BRINP3: variants seen among roughly 807,000 people sequenced by gnomAD.
BRINP3 encodes the protein BMP/retinoic acid inducible neural specific 3, also known as BMP/retinoic acid-inducible neural-specific protein 3.
In BRINP3, 19 loss-of-function variants were observed where a neutral mutation model predicts 71.0. The observed-to-expected ratio is 0.27, with a 90% CI of 0.19 to 0.39. The LOEUF is 0.39. Among genes scored for constraint, BRINP3 ranks in the 10% least tolerant of loss-of-function variants. The pLI is 1.00. For synonymous variants in BRINP3, 380 were observed against 337.7 expected, an observed-to-expected ratio of 1.13 and a Z score of -1.37; for missense variants, 959 against 940.8, an observed-to-expected ratio of 1.02 and a Z score of -0.25.
intron 7 of BRINP3, among the ~76,000 whole-genome samples, chr1:190,150,242 G>A (rs995104745): frequency 6.7e-6 from 1 of 150,276 alleles, no homozygotes; most frequent in African/African-American, 2.5e-5. Flanking sequence ...CCATTTTAAT[G>A]AGTTGGTATA....
At chr1:190,268,252 G>A (rs548010320) in intron 3 of BRINP3, among the ~76,000 whole-genome samples, 65 of 152,076 alleles carry the variant, frequency 4.3e-4, no homozygotes, top group African/African-American at 1.5e-3. Flanking sequence ...AATAAATTAG[G>A]AATCAATGAA....
At chr1:190,244,742 A>T (rs1659428388) in intron 4 of BRINP3, among the ~76,000 whole-genome samples, 1 of 152,062 alleles carries the variant, frequency 6.6e-6, no homozygotes. Flanking sequence ...AACATTTAAT[A>T]CAACTATTTC....
At chr1:190,288,761 G>T (rs1571641412) in intron 2 of BRINP3, among the ~76,000 whole-genome samples, 1 of 151,638 alleles carries the variant, frequency 6.6e-6, no homozygotes, top group African/African-American at 2.4e-5. Flanking sequence ...TATTGATTAA[G>T]GTAATGCGAT....
chr1:190,233,180 G>A (rs1165246724), intron 5 of BRINP3, among the ~76,000 whole-genome samples: 1 of 151,862 alleles, frequency 6.6e-6, no homozygotes, highest in African/African-American at 2.4e-5. Flanking sequence ...AACATGATGT[G>A]CAGTGTCGCA....
rs1190785225 is a variant in BRINP3, at chr1:190,453,203, A to ATTTTTTTTTTTTTTTTTTTTTTTTTTT, written c.236+1425_236+1451dup. Among the ~76,000 whole-genome samples the ATTTTTTTTTTTTTTTTTTTTTTTTTTT allele has an allele frequency of 5.1e-4, 21 of 40,910 alleles. 5 individuals carry two copies. The highest frequency in any genetic ancestry group is 1.8e-3 in the East Asian group (2 of 1,090). 26.8% of individuals were successfully genotyped at this position (40,910 alleles called of 152,430 possible). A position where few individuals can be genotyped will look rare whatever the true frequency, so the allele number is the denominator to read the frequency against. ...ACTTTTCAGAAAGAAAAACTTTAGT[A>ATTTTTTTTTTTTTTTTTTTTTTTTTTT]TTTTTTTTTTTTTTTTTTTTTTTTT... On this transcript the variant is annotated intron_variant, in intron 2 of 7. Transcript: ENST00000367462.
chr1:190,294,888 C>G (rs1317607117), intron 2 of BRINP3, among the ~76,000 whole-genome samples: 1 of 151,678 alleles, frequency 6.6e-6, no homozygotes, highest in Non-Finnish European at 1.5e-5. Flanking sequence ...GCTCACCAAC[C>G]CTCCAACCTG....
At chr1:190,360,346 T>C (rs530148644) in intron 2 of BRINP3, among the ~76,000 whole-genome samples, 18 of 152,260 alleles carry the variant, frequency 1.2e-4, no homozygotes, top group African/African-American at 4.3e-4. Context: ...TAGAAAAGCA[T>C]GTAGGAAGCA....
chr1:190,196,350 A>G (rs1316043140), intron 6 of BRINP3, among the ~76,000 whole-genome samples: 1 of 152,162 alleles, frequency 6.6e-6, no homozygotes, highest in African/African-American at 2.4e-5. Flanking sequence ...TTGCTTGTTC[A>G]ACACCAGATA....
chr1:190,187,754 T>C (rs942721794), intron 6 of BRINP3, among the ~76,000 whole-genome samples: 4 of 152,052 alleles, frequency 2.6e-5, no homozygotes, highest in African/African-American at 4.8e-5. Flanking sequence ...CAGTGCCATG[T>C]TTTTTGTGTT....
intron 2 of BRINP3, among the ~76,000 whole-genome samples, chr1:190,317,171 CAA>C (rs397862994): frequency 0.011 from 885 of 77,106 alleles, 6 homozygotes; most frequent in African/African-American, 0.017. Context: ...GAGTCCATCT[CAA>C]AAAAAAAAAA....
intron 1 of BRINP3, among the ~76,000 whole-genome samples, chr1:190,456,659 T>C (rs12089382): frequency 0.16 from 24,114 of 152,044 alleles, 2,026 homozygotes; most frequent in South Asian, 0.21. Context: ...TGTGTAGTGG[T>C]ATAGTATAAT....
At chr1:190,311,263 C>T (rs1382153487) in intron 2 of BRINP3, among the ~76,000 whole-genome samples, 1 of 151,446 alleles carries the variant, frequency 6.6e-6, no homozygotes, top group Non-Finnish European at 1.5e-5. Context: ...TTAAACTTTG[C>T]CTTGAAAACT....
At position 190,301,009 on chromosome 1, in the gene BRINP3, AAAG is replaced by A. The variant is rs1303817563; in HGVS notation, c.237-19262_237-19260del. Among the ~76,000 whole-genome samples, 5 of 151,944 alleles carry A rather than the reference AAAG, an allele frequency of 3.3e-5. No individual in the cohort carries two copies. The South Asian group carries it at 1.0e-3, about 32-fold the overall frequency. The stretch of plus-strand genomic sequence containing the variant: ...ACGGGAGGACATTCAAAGCAAAGGC[AAAG>A]AAGTTGAAAACTTTGAAAAAAATTT... On this transcript the variant is annotated intron_variant, in intron 2 of 7. Transcript: ENST00000367462.
intron 7 of BRINP3, among the ~76,000 whole-genome samples, chr1:190,111,328 T>TTA (rs1215504079): frequency 6.6e-6 from 1 of 151,948 alleles, no homozygotes; most frequent in South Asian, 2.1e-4. Context: ...TAGGTCATCT[T>TTA]TATATATATT....
chr1:190,281,659 T>C lies in BRINP3; in HGVS notation c.328A>G (p.Asn110Asp). Reference protein sequence around the residue: ...PLPLAPEFFRNIRLLGRRPTL... With the variant: ...PLPLAPEFFRDIRLLGRRPTL... ...GGTCGACGTCCCAAAAGTCTTATGT[T>C]GCGGAAGAATTCAGGGGCAAGAGGC... The change falls in exon 3 of 8, where the codon AAC (asparagine) becomes GAC (aspartate). Residue 110 changes from asparagine to aspartate, a missense_variant. Transcript: ENST00000367462. 1 of 1,613,036 alleles carries C rather than the reference T, an allele frequency of 6.2e-7. No individual in the cohort carries two copies. The highest frequency in any genetic ancestry group is 8.5e-7 in the Non-Finnish European group (1 of 1,179,366).
At chr1:190,448,776 G>GT (rs989489622) in intron 2 of BRINP3, among the ~76,000 whole-genome samples, 3 of 151,368 alleles carry the variant, frequency 2.0e-5, no homozygotes, top group Non-Finnish European at 1.5e-5. Context: ...CTATATTTTT[G>GT]TTTTTTCTGG....
chr1:190,208,805 A>G (rs1346710838), intron 6 of BRINP3, among the ~76,000 whole-genome samples: 3 of 152,004 alleles, frequency 2.0e-5, no homozygotes, highest in African/African-American at 7.2e-5. Flanking sequence ...AGAACCACCT[A>G]CTTTTGTATG....
At position 190,291,399 on chromosome 1, in the gene BRINP3, A is replaced by C. The variant is rs137921687; in HGVS notation, c.237-9649T>G. 5.5e-3 allele frequency among the ~76,000 whole-genome samples: 837 copies of C among 152,238 alleles called. 9 individuals are homozygous for C. Among genetic ancestry groups the C allele is most frequent in the Non-Finnish European group, 9.3e-3 (631 of 67,992 alleles). ...GAAATAATATACAGAATGGGAGAAA[A>C]TAAGGGGTTCATATCCAAAATATAT... On this transcript the variant is annotated intron_variant, in intron 2 of 7. Transcript: ENST00000367462.
chr1:190,376,891 C>T (rs1477577298), intron 2 of BRINP3, among the ~76,000 whole-genome samples: 4 of 151,910 alleles, frequency 2.6e-5, no homozygotes, highest in Non-Finnish European at 5.9e-5. Context: ...TAAAGAAAGG[C>T]AGAGACAAAT....
Sources: allele counts gnomAD v4.1 joint callset (sites outside exome capture counted in the v4.1 genomes callset), GRCh38; gene constraint gnomAD v4.1.1; transcripts MANE v1.5; gene names NCBI Gene and HGNC (gene_info 2026-07-23, HGNC 2026-07-21).